USP28: variants seen among roughly 807,000 people sequenced by gnomAD.
USP28 encodes the protein ubiquitin specific peptidase 28.
In USP28, 113 loss-of-function variants were observed where a neutral mutation model predicts 145.0. The observed-to-expected ratio is 0.78, with a 90% CI of 0.67 to 0.91. USP28 has a LOEUF of 0.91. Among genes scored for constraint, USP28 ranks in the 40% least tolerant of loss-of-function variants. The pLI, the probability that USP28 is intolerant of heterozygous loss-of-function variation, is 0.00. For synonymous variants in USP28, 447 were observed against 450.9 expected (o/e 0.99, Z 0.11); for missense variants, 1,201 against 1,289.6 (o/e 0.93, Z 1.05).
chr11:113,799,297 GC>G lies in USP28; in HGVS notation c.3176del (p.Ser1059ThrfsTer16), dbSNP rs1938491346. On this transcript the variant is annotated frameshift_variant, in exon 25 of 25. Coordinates refer to ENST00000003302, the Ensembl canonical transcript of USP28. LOFTEE classifies it high-confidence loss of function. ...TTGACTCCATGACAGCTGCAAATCGGCTACATAGGTCATAGGGAGAATTGGG... is the reference window on the plus strand; with the variant it reads ...TTGACTCCATGACAGCTGCAAATCGGTACATAGGTCATAGGGAGAATTGGG... 6.2e-7 allele frequency: 1 copy of G among 1,613,974 alleles called. No homozygotes were observed. The highest frequency in any genetic ancestry group is 1.3e-5 in the African/African-American group (1 of 74,908).
chr11:113,823,986 A>G (rs185785047), intron 11 of USP28, among the ~76,000 whole-genome samples: 87 of 152,336 alleles, frequency 5.7e-4, no homozygotes, highest in African/African-American at 2.0e-3. Flanking sequence ...GAATGAAGTA[A>G]AGCTGCCTTT....
chr11:113,847,130 T>G (rs1049540080), intron 3 of USP28, among the ~76,000 whole-genome samples: 2 of 152,198 alleles, frequency 1.3e-5, no homozygotes, highest in Non-Finnish European at 2.9e-5. Flanking sequence ...CATCAATGGC[T>G]GCTGAAAATG....
At chr11:113,863,643 CAA>C (rs71063528) in intron 1 of USP28, among the ~76,000 whole-genome samples, 572 of 124,830 alleles carry the variant, frequency 4.6e-3, no homozygotes, top group Admixed American at 5.1e-3. Context: ...GACCCTGTCT[CAA>C]AAAAAAAAAA....
intron 4 of USP28, among the ~76,000 whole-genome samples, chr11:113,841,418 T>C (rs189782307): frequency 2.6e-5 from 4 of 152,358 alleles, no homozygotes; most frequent in Admixed American, 2.6e-4. Flanking sequence ...TAATTCACCC[T>C]AGCAATTGTA....
intron 1 of USP28, among the ~76,000 whole-genome samples, chr11:113,872,093 T>C (rs759593415): frequency 6.6e-6 from 1 of 152,252 alleles, no homozygotes; most frequent in Non-Finnish European, 1.5e-5. Flanking sequence ...GCATGCTCAA[T>C]TAGCATTAGC....
intron 22 of USP28, 128 bp from the exon 24 acceptor site, chr11:113,803,409 G>T (rs969500778): frequency 4.7e-6 from 5 of 1,066,306 alleles, no homozygotes. Flanking sequence ...ACCAAAGACC[G>T]TAGCCAGTCT....
intron 3 of USP28, among the ~76,000 whole-genome samples, chr11:113,846,151 A>G (rs1489432542): frequency 3.9e-5 from 6 of 152,232 alleles, no homozygotes; most frequent in Admixed American, 6.5e-5. Flanking sequence ...ATTCAGAGAT[A>G]AAGAGTAGAA....
chr11:113,856,544 C>T (rs1947065709), intron 1 of USP28, among the ~76,000 whole-genome samples: 1 of 152,110 alleles, frequency 6.6e-6, no homozygotes, highest in African/African-American at 2.4e-5. Flanking sequence ...GGTATTACGC[C>T]TGTCCTACAA....
chr11:113,843,122 C>T lies in USP28; in HGVS notation c.269-1354G>A, dbSNP rs140950054. On this transcript the variant is annotated intron_variant, in intron 3 of 24. Coordinates refer to ENST00000003302, the Ensembl canonical transcript of USP28. ...TTGCACGTGCCTGTAATTCCAGCTA[C>T]TTGGGAGGCTGAGGCAGGAGAATCA... Among the ~76,000 whole-genome samples, 716 of 152,230 alleles carry T rather than the reference C, an allele frequency of 4.7e-3. 10 individuals are homozygous for T. The highest frequency in any genetic ancestry group is 0.015 in the African/African-American group (630 of 41,530).
At chr11:113,864,219 C>A (rs1948039130) in intron 1 of USP28, among the ~76,000 whole-genome samples, 1 of 151,970 alleles carries the variant, frequency 6.6e-6, no homozygotes, top group Admixed American at 6.6e-5. Context: ...CCAGCCTGGG[C>A]AACAGAGTGA....
chr11:113,799,043 A>T (rs537858961), exon 25 of USP28: 1 of 552,540 alleles, frequency 1.8e-6, no homozygotes, highest in Admixed American at 3.5e-5. Context: ...TTTTCTAGTG[A>T]AACAGCTTTT....
intron 24 of USP28, 62 bp from the exon 26 acceptor site, chr11:113,799,477 A>T: frequency 6.4e-7 from 1 of 1,552,044 alleles, no homozygotes; most frequent in East Asian, 2.3e-5. Flanking sequence ...AAAAGTGAAC[A>T]AGCCTTCTAT....
At chr11:113,867,992 T>A (rs1948463468) in intron 1 of USP28, among the ~76,000 whole-genome samples, 1 of 152,160 alleles carries the variant, frequency 6.6e-6, no homozygotes, top group Non-Finnish European at 1.5e-5. Context: ...GGCAGATCTT[T>A]AGTTTGGTTT....
intron 1 of USP28, among the ~76,000 whole-genome samples, chr11:113,869,754 A>C (rs886769595): frequency 5.9e-5 from 9 of 152,332 alleles, no homozygotes; most frequent in African/African-American, 1.9e-4. Flanking sequence ...CTAGTATAAC[A>C]ACCCTGGGAA....
intron 1 of USP28, among the ~76,000 whole-genome samples, chr11:113,869,832 T>C (rs1366934122): frequency 6.6e-6 from 1 of 152,130 alleles, no homozygotes; most frequent in South Asian, 2.1e-4. Context: ...CAAAAAGCAC[T>C]GGGAAACAGA....
rs1944345644 is a variant in USP28, at chr11:113,834,419, T to C, written c.535-84A>G. On this transcript the variant is annotated intron_variant, in intron 5 of 24. Transcript: ENST00000003302. ...TGTATTTTTCACTTCAAATATTTTATTTCATATTTAAAAGTATGCAAAACT... is the reference window on the plus strand; with the variant it reads ...TGTATTTTTCACTTCAAATATTTTACTTCATATTTAAAAGTATGCAAAACT... The C allele has an allele frequency of 1.3e-5, 12 of 957,018 alleles. No individual in the cohort carries two copies. In the South Asian group the frequency reaches 2.1e-4, roughly 17 times the overall value. The allele number at this position is 957,018 out of a possible 1,614,324, so 59.3% of individuals were successfully genotyped here.
chr11:113,822,842 GGTGGGGGTACAGTGCAGGGT>G (rs1489614631), intron 12 of USP28, among the ~76,000 whole-genome samples: 1 of 152,100 alleles, frequency 6.6e-6, no homozygotes. Flanking sequence ...CAGTGGTAGC[GGTGGGGGTACAGTGCAGGGT>G]CCATCTTAGG....
intron 5 of USP28, 56 bp from the exon 6 acceptor site, chr11:113,834,391 ATATG>A: frequency 8.1e-7 from 1 of 1,234,208 alleles, no homozygotes; most frequent in South Asian, 1.5e-5. Flanking sequence ...CTGCAGCAAC[ATATG>A]TATTTTTCAC....
At chr11:113,864,240 CA>C (rs922098402) in intron 1 of USP28, among the ~76,000 whole-genome samples, 1 of 150,572 alleles carries the variant, frequency 6.6e-6, no homozygotes, top group Non-Finnish European at 1.5e-5. Context: ...GACTCTGTCT[CA>C]AAAAAAAGGT....
Sources: gnomAD v4.1 joint callset for allele counts (sites outside exome capture counted in the v4.1 genomes callset) on GRCh38, gnomAD v4.1.1 for gene constraint, MANE v1.5 for transcripts, NCBI Gene and HGNC (gene_info 2026-07-23, HGNC 2026-07-21) for gene names.